GBP5: variants seen among roughly 807,000 people sequenced by gnomAD.
GBP5 encodes guanylate binding protein 5, also known as guanylate-binding protein 5.
In GBP5, 48 loss-of-function variants were observed where a neutral mutation model predicts 58.2. That is an observed-to-expected ratio of 0.83 (90% CI 0.65 to 1.05). GBP5 has a LOEUF of 1.05. Among genes scored for constraint, GBP5 ranks in the 50% least tolerant of loss-of-function variants. GBP5 has a pLI of 0.00. For missense variants in GBP5, 714 were observed against 686.8 expected (o/e 1.04, Z -0.44); for synonymous variants, 248 against 251.8 (o/e 0.98, Z 0.14).
intron 11 of GBP5, 83 bp downstream of exon 11, chr1:89,262,137 G>C (rs1004198985): frequency 2.2e-6 from 3 of 1,349,376 alleles, no homozygotes; most frequent in East Asian, 2.3e-5. Context: ...AGAGCCACAA[G>C]ATCTTGCTGC....
chr1:89,260,315 T>G lies in GBP5; in HGVS notation c.*389A>C, dbSNP rs542777749. 10 of 163,640 alleles carry G rather than the reference T, an allele frequency of 6.1e-5. No individual in the cohort carries two copies. Among genetic ancestry groups the G allele is most frequent in the Non-Finnish European group, 1.2e-4 (9 of 74,814 alleles). The allele number at this position is 163,640 out of a possible 1,614,324, so 10.1% of individuals were successfully genotyped here. The stretch of plus-strand genomic sequence containing the variant: ...GGCCGGGTTCCTAAGAGGCCACAGA[T>G]CAGAGCTAGTCTATGGCCTGAGGGT... On this transcript the variant is annotated 3_prime_UTR_variant, in exon 12 of 12. Transcript: ENST00000370459.
chr1:89,264,609 A>T, intron 8 of GBP5, 77 bp downstream of exon 8: 1 of 1,279,998 alleles, frequency 7.8e-7, no homozygotes, highest in Admixed American at 2.2e-5. Flanking sequence ...TTTCTTAGCT[A>T]AGTCCTATTT....
intron 7 of GBP5, among the ~76,000 whole-genome samples, chr1:89,266,057 A>AT (rs2100593433): frequency 6.6e-6 from 1 of 152,336 alleles, no homozygotes; most frequent in East Asian, 1.9e-4. Flanking sequence ...AATCCAATGT[A>AT]TTTGTTGAAC....
intron 7 of GBP5, 75 bp downstream of exon 7, chr1:89,266,271 G>C: frequency 7.8e-7 from 1 of 1,285,242 alleles, no homozygotes. Context: ...CATTGACAAT[G>C]CAAGGATAAT....
rs969662808 is a variant in GBP5, at chr1:89,262,706, G to T, written c.1442C>A (p.Thr481Lys). The part of the protein sequence containing the change: ...HAILQTDQAL[T>K]ETEKKKKEAQ... ...ACCTTTCTTCTTTTTTTCCGTCTCT[G>T]TGAGAGCCTGGTCAGTCTGTAATAT... is the stretch of plus-strand genomic sequence containing the variant. The change falls in exon 10 of 12, where the codon ACA becomes AAA. Residue 481 changes from threonine to lysine, a missense_variant. Coordinates refer to ENST00000370459, the MANE Select transcript of GBP5 (RefSeq NM_052942.5). 4 of 1,605,162 alleles carry T rather than the reference G, an allele frequency of 2.5e-6. No homozygotes were observed.
Position 89,262,736 on chromosome 1 carries a change from T to C in GBP5, c.1412A>G (p.His471Arg). ...KYLKSKESVSHAILQTDQALT... is the reference protein window; with the variant it reads ...KYLKSKESVSRAILQTDQALT... ...AGCCTGGTCAGTCTGTAATATTGCA[T>C]GACTCACAGACTCCTTGGACTTTAA... Residue 471 changes from histidine to arginine, a missense_variant, in exon 10 of 12, where the codon CAT becomes CGT. By Grantham distance (29) the His-to-Arg change is conservative. Transcript: ENST00000370459. 1.3e-6 allele frequency: 2 copies of C among 1,599,356 alleles called. No individual in the cohort carries two copies. The highest frequency in any genetic ancestry group is 1.7e-4 in the Middle Eastern group (1 of 5,948).
At position 89,258,053 on chromosome 1, in the gene GBP5, C is replaced by A. The variant is rs1257948823; in HGVS notation, c.*2651G>T. 1.3e-5 allele frequency among the ~76,000 whole-genome samples: 2 copies of A among 152,218 alleles called. No homozygotes were observed. The highest frequency in any genetic ancestry group is 2.9e-5 in the Non-Finnish European group (2 of 68,042). ...CAAGAAATCATCAATGTTTACCTTA[C>A]AGTGCCTTTTCTTGTTCTTTTGCAC... On this transcript the variant is annotated 3_prime_UTR_variant, in exon 12 of 12. Transcript: ENST00000370459.
rs1319115297 is a variant in GBP5 at position 89,263,903 on chromosome 1, C to G, written c.1195G>C (p.Glu399Gln). The G allele has an allele frequency of 4.3e-6, 7 of 1,612,158 alleles. No homozygotes were observed. The highest frequency in any genetic ancestry group is 1.7e-6 in the Non-Finnish European group (2 of 1,179,614). ...GCCGAGCAATAATCCGAGGATGCTTCCAGGTTCCGTTTACAAATGTCATTC... is the reference window on the plus strand; with the variant it reads ...GCCGAGCAATAATCCGAGGATGCTTGCAGGTTCCGTTTACAAATGTCATTC... ...KQNDICKRNL[E>Q]ASSDYCSALL... Residue 399 changes from glutamate (E) to glutamine (Q), a missense_variant, in exon 9 of 12, where the codon GAA becomes CAA. Transcript: ENST00000370459.
At position 89,269,451 on chromosome 1, in the gene GBP5, C is replaced by A; in HGVS notation, c.105G>T (p.Thr35=). ...QEALEILSAI[T]QPVVVVAIVG... ...CAATCGCTACCACAACTACAGGTTG[C>A]GTAATGGCAGACAGGATCTCCAAAG... The change falls in exon 3 of 12, where the codon ACG becomes ACT. Residue 35 remains threonine (T), a synonymous_variant. Transcript: ENST00000370459. 1 of 1,614,068 alleles carries A rather than the reference C, an allele frequency of 6.2e-7. No individual in the cohort carries two copies. Among genetic ancestry groups the A allele is most frequent in the Non-Finnish European group, 8.5e-7 (1 of 1,179,968 alleles).
In GBP5 at chr1:89,269,813, T is replaced by C. The variant is rs1650374126; in HGVS notation, c.-19-239A>G. 5 of 275,468 alleles carry C rather than the reference T, an allele frequency of 1.8e-5. No individual in the cohort carries two copies. In the East Asian group the frequency reaches 3.2e-4, roughly 18 times the overall value. The allele number at this position is 275,468 out of a possible 1,614,324, so 17.1% of individuals were successfully genotyped here. A position where few individuals can be genotyped will look rare whatever the true frequency, so the allele number is the denominator to read the frequency against. On this transcript the variant is annotated intron_variant, in intron 2 of 11. Coordinates refer to ENST00000370459, the MANE Select transcript of GBP5 (RefSeq NM_052942.5). Reference sequence around the variant, plus strand: ...AGGCCATTCTACTGGTTCTTAAATATTTGATAGGCATACGAAAATCCATTT... The same window carrying C: ...AGGCCATTCTACTGGTTCTTAAATACTTGATAGGCATACGAAAATCCATTT...
chr1:89,267,551 C>T, intron 4 of GBP5, 25 bp from the exon 5 acceptor site: 1 of 1,436,698 alleles, frequency 7.0e-7, no homozygotes, highest in Non-Finnish European at 9.8e-7. Flanking sequence ...AAATTTAAGT[C>T]ATGTCTCATG....
rs373602428 is a variant in GBP5, at chr1:89,272,441, C to G, written c.-128+11G>C. ...CTTGCAAATCTCTTCCACCTCTTGCCCCAGTCTTACCGTGTCCGGAATTGG... is the reference window on the plus strand; with the variant it reads ...CTTGCAAATCTCTTCCACCTCTTGCGCCAGTCTTACCGTGTCCGGAATTGG... On this transcript the variant is annotated intron_variant, in intron 1 of 11. Coordinates refer to ENST00000370459, the MANE Select transcript of GBP5 (RefSeq NM_052942.5). 1.9e-4 allele frequency: 31 copies of G among 165,998 alleles called. 3 individuals carry two copies. The highest frequency in any genetic ancestry group is 3.2e-4 in the Admixed American group (5 of 15,526). The allele number at this position is 165,998 out of a possible 1,614,324, so 10.3% of individuals were successfully genotyped here.
Position 89,260,452 on chromosome 1 carries a change from G to T in GBP5, c.*252C>A. The T allele has an allele frequency of 3.1e-6, 1 of 326,432 alleles. No individual in the cohort carries two copies. The highest frequency in any genetic ancestry group is 5.7e-6 in the Non-Finnish European group (1 of 175,746). The allele number at this position is 326,432 out of a possible 1,614,324, so 20.2% of individuals were successfully genotyped here. On this transcript the variant is annotated 3_prime_UTR_variant, in exon 12 of 12. Transcript: ENST00000370459. Reference sequence around the variant, plus strand: ...AACCATCCCAATATCACGCATAAATGAAGGCAGTGATACAATGTCCCTTAT... The same window carrying T: ...AACCATCCCAATATCACGCATAAATTAAGGCAGTGATACAATGTCCCTTAT...
chr1:89,267,246 G>T, intron 5 of GBP5, 93 bp from the exon 6 acceptor site: 4 of 1,119,554 alleles, frequency 3.6e-6, no homozygotes, highest in South Asian at 3.1e-5. Context: ...TTTCCCCTAC[G>T]AGTCTTAACC....
chr1:89,264,075 A>G, intron 8 of GBP5, 127 bp from the exon 9 acceptor site: 1 of 624,294 alleles, frequency 1.6e-6, no homozygotes, highest in Non-Finnish European at 2.8e-6. Flanking sequence ...GCAAGACTAT[A>G]TCCTTCCCAC....
Position 89,267,230 on chromosome 1 carries a change from C to G in GBP5, c.429-77G>C. On this transcript the variant is annotated intron_variant, in intron 5 of 11. Coordinates refer to ENST00000370459, the MANE Select transcript of GBP5 (RefSeq NM_052942.5). ...TACTTAATTCCATTTTCCCCCAAACCTTTATTTTCCCCTACGAGTCTTAAC... is the reference window on the plus strand; with the variant it reads ...TACTTAATTCCATTTTCCCCCAAACGTTTATTTTCCCCTACGAGTCTTAAC... The G allele has an allele frequency of 3.9e-6, 5 of 1,267,016 alleles. 1 individual carries two copies. Among genetic ancestry groups the G allele is most frequent in the Middle Eastern group, 2.1e-4 (1 of 4,858 alleles). The allele number at this position is 1,267,016 out of a possible 1,614,324, so 78.5% of individuals were successfully genotyped here. A position where few individuals can be genotyped will look rare whatever the true frequency, so the allele number is the denominator to read the frequency against.
At chr1:89,267,550 T>C (rs756567143) in intron 4 of GBP5, 24 bp from the exon 5 acceptor site, 1 of 1,438,222 alleles carries the variant, frequency 7.0e-7, no homozygotes, top group Non-Finnish European at 9.8e-7. Context: ...CAAATTTAAG[T>C]CATGTCTCAT....
chr1:89,262,325 C>T lies in GBP5; in HGVS notation c.1542G>A (p.Met514Ile), dbSNP rs148428819. ...GATGGAGTCTCTCCCTCTCCTGCAT[C>T]ATTTGCTCGTTCTGCCTTTGAATCG... is the stretch of plus-strand genomic sequence containing the variant. ...LAAIQRQNEQ[M>I]MQERERLHQE... Residue 514 changes from methionine to isoleucine, a missense_variant, in exon 11 of 12, where the codon ATG becomes ATA. Met to Ile is a conservative substitution (Grantham distance 10, BLOSUM62 1). Transcript: ENST00000370459. 3.3e-5 allele frequency: 53 copies of T among 1,614,020 alleles called. No homozygotes were observed. The African/African-American group carries it at 5.9e-4, about 18-fold the overall frequency.
At chr1:89,267,565 T>G (rs1650275161) in intron 4 of GBP5, 39 bp from the exon 5 acceptor site, 1 of 1,227,102 alleles carries the variant, frequency 8.1e-7, no homozygotes, top group Non-Finnish European at 1.2e-6. Context: ...TCTCATGGGA[T>G]TCCCAGATGA....
Sources: gnomAD v4.1 joint callset for allele counts (sites outside exome capture counted in the v4.1 genomes callset) on GRCh38, gnomAD v4.1.1 for gene constraint, MANE v1.5 for transcripts, NCBI Gene and HGNC (gene_info 2026-07-23, HGNC 2026-07-21) for gene names.